PDGFD: variants seen among roughly 807,000 people sequenced by gnomAD.
The protein encoded by PDGFD is platelet-derived growth factor D.
In PDGFD, 30 loss-of-function variants were observed where a neutral mutation model predicts 44.7. The ratio of observed to expected loss-of-function variants is 0.67; its 90% CI spans 0.50 to 0.91. The LOEUF (loss-of-function observed/expected upper bound fraction) is 0.91, where lower values mean the gene tolerates loss of function less well. Ranked by LOEUF, PDGFD falls within the 40% of genes least tolerant of loss-of-function variation. The probability of loss-of-function intolerance (pLI) is 0.00; values close to 1 mark genes in which losing one functional copy is unlikely to be tolerated. For synonymous variants in PDGFD, 173 were observed against 168.4 expected (o/e 1.03, Z -0.21); for missense variants, 445 against 457.8 (o/e 0.97, Z 0.25).
At chr11:104,085,115 T>A (rs948127643) in intron 1 of PDGFD, among the ~76,000 whole-genome samples, 5 of 150,468 alleles carry the variant, frequency 3.3e-5, no homozygotes, top group African/African-American at 7.4e-5. Context: ...GTACTTTTTT[T>A]ATATATATTA....
intron 1 of PDGFD, among the ~76,000 whole-genome samples, chr11:104,044,931 C>T (rs975307559): frequency 6.6e-6 from 1 of 151,944 alleles, no homozygotes; most frequent in Non-Finnish European, 1.5e-5. Context: ...CCAGGTAGTC[C>T]GGAGGCTGAG....
At chr11:104,119,806 T>G (rs1861742390) in intron 1 of PDGFD, among the ~76,000 whole-genome samples, 1 of 117,442 alleles carries the variant, frequency 8.5e-6, no homozygotes, top group Non-Finnish European at 1.6e-5. Flanking sequence ...ATATTATATA[T>G]AATATAAATA....
chr11:103,941,944 C>G (rs960423956), intron 5 of PDGFD, among the ~76,000 whole-genome samples: 2 of 151,978 alleles, frequency 1.3e-5, no homozygotes, highest in Non-Finnish European at 1.5e-5. Context: ...TACAGAAAAG[C>G]AATTTTTTCT....
intron 1 of PDGFD, among the ~76,000 whole-genome samples, chr11:104,017,772 A>G (rs1414490295): frequency 1.3e-5 from 2 of 152,164 alleles, no homozygotes; most frequent in African/African-American, 2.4e-5. Flanking sequence ...TTTGTGAGGG[A>G]GACCTAAAGC....
intron 1 of PDGFD, among the ~76,000 whole-genome samples, chr11:104,103,041 C>A (rs899520887): frequency 6.6e-6 from 1 of 152,062 alleles, no homozygotes; most frequent in African/African-American, 2.4e-5. Flanking sequence ...AACAAACCTG[C>A]ACGTTGTGCA....
At chr11:104,026,164 G>A (rs980458036) in intron 1 of PDGFD, among the ~76,000 whole-genome samples, 1 of 152,220 alleles carries the variant, frequency 6.6e-6, no homozygotes, top group Admixed American at 6.5e-5. Context: ...GCCCATGAAA[G>A]TGCCCATATG....
intron 5 of PDGFD, among the ~76,000 whole-genome samples, chr11:103,930,214 C>G (rs889928866): frequency 9.2e-5 from 14 of 152,168 alleles, no homozygotes; most frequent in Non-Finnish European, 2.1e-4. Context: ...TTTGGACATA[C>G]TGGTAAAGTG....
chr11:104,091,218 A>G (rs1861209080), intron 1 of PDGFD, among the ~76,000 whole-genome samples: 2 of 152,226 alleles, frequency 1.3e-5, no homozygotes, highest in Admixed American at 1.3e-4. Context: ...TTTCTGTTGG[A>G]CATATTTAAA....
chr11:103,968,944 G>A (rs1302741586), intron 3 of PDGFD, among the ~76,000 whole-genome samples: 1 of 152,072 alleles, frequency 6.6e-6, no homozygotes, highest in Non-Finnish European at 1.5e-5. Context: ...AATTTGCATA[G>A]GCTATTCTCT....
chr11:103,970,727 T>C (rs1591100748), intron 3 of PDGFD, among the ~76,000 whole-genome samples: 1 of 152,106 alleles, frequency 6.6e-6, no homozygotes. Context: ...GACACAAATT[T>C]CCAAGAATTC....
At chr11:104,049,654 A>T (rs11226126) in intron 1 of PDGFD, among the ~76,000 whole-genome samples, 8,785 of 152,210 alleles carry the variant, frequency 0.058, 378 homozygotes, top group East Asian at 0.14. Context: ...AGGAGCCTAC[A>T]AAGAAGCCCA....
At chr11:103,914,264 T>G (rs1858077994) in intron 6 of PDGFD, among the ~76,000 whole-genome samples, 1 of 152,154 alleles carries the variant, frequency 6.6e-6, no homozygotes, top group African/African-American at 2.4e-5. Context: ...CAGAAGTAAG[T>G]TTGCCCACAT....
At chr11:103,963,284 A>G (rs1440182706) in intron 3 of PDGFD, among the ~76,000 whole-genome samples, 2 of 152,080 alleles carry the variant, frequency 1.3e-5, no homozygotes, top group Non-Finnish European at 2.9e-5. Context: ...AAGCTTTAAC[A>G]CCTCCTATCT....
chr11:104,028,098 G>T (rs1045466776), intron 1 of PDGFD, among the ~76,000 whole-genome samples: 1 of 151,418 alleles, frequency 6.6e-6, no homozygotes, highest in African/African-American at 2.4e-5. Flanking sequence ...ACTGAGGCAG[G>T]AGAATGGCGT....
At chr11:104,098,302 T>G (rs2096696229) in intron 1 of PDGFD, among the ~76,000 whole-genome samples, 1 of 152,192 alleles carries the variant, frequency 6.6e-6, no homozygotes, top group South Asian at 2.1e-4. Context: ...TGAGGCTCTG[T>G]AAGATGCCAA....
intron 1 of PDGFD, among the ~76,000 whole-genome samples, chr11:104,105,327 T>C (rs1395353648): frequency 2.6e-5 from 4 of 152,210 alleles, no homozygotes; most frequent in Non-Finnish European, 4.4e-5. Flanking sequence ...GTATCATGTT[T>C]TGTTAACAAC....
intron 3 of PDGFD, among the ~76,000 whole-genome samples, chr11:103,953,733 A>G (rs1858793826): frequency 6.6e-6 from 1 of 152,192 alleles, no homozygotes; most frequent in African/African-American, 2.4e-5. Flanking sequence ...AACATTTATG[A>G]TATCATTTAT....
intron 1 of PDGFD, among the ~76,000 whole-genome samples, chr11:104,143,935 T>C (rs1310181084): frequency 6.6e-6 from 1 of 152,238 alleles, no homozygotes; most frequent in Non-Finnish European, 1.5e-5. Context: ...TTTGCATACA[T>C]ATTGCTTTTA....
intron 1 of PDGFD, among the ~76,000 whole-genome samples, chr11:104,025,808 T>G (rs1393093991): frequency 6.6e-6 from 1 of 152,192 alleles, no homozygotes; most frequent in Non-Finnish European, 1.5e-5. Flanking sequence ...AGAACCACAG[T>G]GCTGTTTGCT....
Sources: allele counts gnomAD v4.1 joint callset (sites outside exome capture counted in the v4.1 genomes callset), GRCh38; gene constraint gnomAD v4.1.1; transcripts MANE v1.5; gene names NCBI Gene and HGNC (gene_info 2026-07-23, HGNC 2026-07-21).